The following GRIK2 variants were observed in gnomAD, a reference collection of about 807,000 sequenced individuals.
GRIK2 encodes glutamate receptor ionotropic, kainate 2.
In GRIK2, 32 loss-of-function variants were observed where a neutral mutation model predicts 100.3. The ratio of observed to expected loss-of-function variants is 0.32; its 90% confidence interval spans 0.24 to 0.43. The LOEUF is 0.43. Among genes scored for constraint, GRIK2 ranks in the 20% least tolerant of loss-of-function variants. The probability of loss-of-function intolerance (pLI) is 1.00; values close to 1 mark genes in which losing one functional copy is unlikely to be tolerated. For synonymous variants in GRIK2, 417 were observed against 389.4 expected, an observed-to-expected ratio of 1.07 and a Z score of -0.83; for missense variants, 843 against 1,114.9, an observed-to-expected ratio of 0.76 and a Z score of 3.47.
chr6:101,824,675 A>G (rs181459817), intron 10 of GRIK2, among the ~76,000 whole-genome samples: 5 of 152,306 alleles, frequency 3.3e-5, no homozygotes, highest in African/African-American at 1.2e-4. Flanking sequence ...TTTTCAGAAA[A>G]GCATTTATTG....
rs111770534 is a variant in GRIK2, at chr6:101,538,102, T to C, written c.116-83847T>C. Among the ~76,000 whole-genome samples the C allele has an allele frequency of 4.0e-3, 607 of 151,894 alleles. 3 individuals are homozygous for C. Among genetic ancestry groups the C allele is most frequent in the African/African-American group, 0.014 (585 of 41,504 alleles). On this transcript the variant is annotated intron_variant, in intron 2 of 16. Transcript: ENST00000369134. ...CATATCATAACCTAGAATCTTTTGCTTACAGTATGATTTTGGTTTGTGTTA... is the reference window on the plus strand; with the variant it reads ...CATATCATAACCTAGAATCTTTTGCCTACAGTATGATTTTGGTTTGTGTTA...
At chr6:101,394,411 C>A (rs899182214) in intron 1 of GRIK2, among the ~76,000 whole-genome samples, 1 of 152,138 alleles carries the variant, frequency 6.6e-6, no homozygotes, top group Non-Finnish European at 1.5e-5. Flanking sequence ...TTTAACGAAC[C>A]ACATCCTCTG....
At position 101,758,897 on chromosome 6, in the gene GRIK2, CTTTA is replaced by C. The variant is rs952778918; in HGVS notation, c.952-40747_952-40744del. 4.4e-4 allele frequency among the ~76,000 whole-genome samples: 67 copies of C among 152,148 alleles called. 1 individual carries two copies. The highest frequency in any genetic ancestry group is 6.8e-4 in the Non-Finnish European group (46 of 67,942). On this transcript the variant is annotated intron_variant, in intron 7 of 16. Transcript: ENST00000369134. The stretch of plus-strand genomic sequence containing the variant: ...GAAACTATTAAAAGCTTTTGTTTAA[CTTTA>C]TTTGTTTAATTTCAAAAGAGTAAAA...
chr6:102,025,099 T>C (rs1769624445), intron 14 of GRIK2, among the ~76,000 whole-genome samples: 1 of 151,298 alleles, frequency 6.6e-6, no homozygotes, highest in Admixed American at 6.6e-5. Flanking sequence ...CTACAGATCA[T>C]TTAGCTTTGT....
chr6:101,562,488 A>G (rs545654537), intron 2 of GRIK2, among the ~76,000 whole-genome samples: 1 of 151,450 alleles, frequency 6.6e-6, no homozygotes, highest in African/African-American at 2.4e-5. Context: ...ACAGGCATGC[A>G]CCACCAGGCC....
rs892406026 is a variant in GRIK2, at chr6:101,818,267, A to G, written c.1204-103A>G. ...TTACTTTAACGGCAGCAGACAATGC[A>G]GCAAAGGTGAATAATAAGTGTTAGC... On this transcript the variant is annotated intron_variant, in intron 9 of 16. Coordinates refer to ENST00000369134, the MANE Select transcript of GRIK2 (RefSeq NM_021956.5). 24 of 662,314 alleles carry G rather than the reference A, an allele frequency of 3.6e-5. No homozygotes were observed. The African/African-American group carries it at 4.2e-4, about 12-fold the overall frequency. The allele number at this position is 662,314 out of a possible 1,614,324, so 41.0% of individuals were successfully genotyped here. A position where few individuals can be genotyped will look rare whatever the true frequency, so the allele number is the denominator to read the frequency against.
In GRIK2 at chr6:101,441,977, G is replaced by T. The variant is rs1448481676; in HGVS notation, c.115+42585G>T. ...TTTGGGAGATACAAAAAAAAAAAAA[G>T]GGGTGAACAGGGCAGAATTTTTCCA... On this transcript the variant is annotated intron_variant, in intron 2 of 16. Transcript: ENST00000369134. Among the ~76,000 whole-genome samples the T allele has an allele frequency of 2.0e-5, 3 of 149,580 alleles. No homozygotes were observed. The East Asian group carries it at 5.9e-4, about 29-fold the overall frequency.
At chr6:101,475,745 A>C (rs1772194974) in intron 2 of GRIK2, among the ~76,000 whole-genome samples, 1 of 152,018 alleles carries the variant, frequency 6.6e-6, no homozygotes, top group Non-Finnish European at 1.5e-5. Flanking sequence ...TCTTAATGAC[A>C]TAAAGTTTAT....
At chr6:101,581,276 A>G (rs1778079367) in intron 2 of GRIK2, among the ~76,000 whole-genome samples, 1 of 145,366 alleles carries the variant, frequency 6.9e-6, no homozygotes, top group South Asian at 2.1e-4. Flanking sequence ...ACGTGTATAC[A>G]TGTATACACA....
At chr6:101,564,990 CA>C (rs953061780) in intron 2 of GRIK2, among the ~76,000 whole-genome samples, 72 of 151,924 alleles carry the variant, frequency 4.7e-4, no homozygotes, top group African/African-American at 1.4e-3. Context: ...CAAAATGTTA[CA>C]AAAAAATATG....
In GRIK2 at chr6:101,464,522, T is replaced by C. The variant is rs1252953096; in HGVS notation, c.115+65130T>C. ...CTTTTTTTTTTTTTTTTTTTTTTTT[T>C]TTTTTTTTTTTTTGAGACAGAGTCT... On this transcript the variant is annotated intron_variant, in intron 2 of 16. Transcript: ENST00000369134. Among the ~76,000 whole-genome samples the C allele has an allele frequency of 3.2e-3, 306 of 96,008 alleles. 7 individuals carry two copies. Among genetic ancestry groups the C allele is most frequent in the African/African-American group, 0.013 (288 of 22,894 alleles). The allele number at this position is 96,008 out of a possible 152,430, so 63.0% of individuals were successfully genotyped here.
chr6:102,055,107 T>C (rs1218871117), intron 15 of GRIK2, among the ~76,000 whole-genome samples: 2 of 152,196 alleles, frequency 1.3e-5, no homozygotes, highest in Non-Finnish European at 2.9e-5. Flanking sequence ...ATATTCTTTC[T>C]TAAAACAAAA....
At chr6:101,464,052 C>A (rs1269090213) in intron 2 of GRIK2, among the ~76,000 whole-genome samples, 2 of 152,134 alleles carry the variant, frequency 1.3e-5, no homozygotes, top group Admixed American at 6.5e-5. Context: ...AACCTTTCCT[C>A]GAATTACTTG....
At chr6:101,746,674 T>C (rs538558012) in intron 7 of GRIK2, among the ~76,000 whole-genome samples, 1 of 152,262 alleles carries the variant, frequency 6.6e-6, no homozygotes, top group South Asian at 2.1e-4. Context: ...TTGTTACCCA[T>C]TTTCTTCTTC....
intron 16 of GRIK2, among the ~76,000 whole-genome samples, chr6:102,056,142 G>A (rs1330438520): frequency 6.6e-6 from 1 of 151,626 alleles, no homozygotes; most frequent in Non-Finnish European, 1.5e-5. Flanking sequence ...GTTTCTTTTT[G>A]CCATTTAATA....
At chr6:101,503,718 G>A (rs1773884966) in intron 2 of GRIK2, among the ~76,000 whole-genome samples, 1 of 152,020 alleles carries the variant, frequency 6.6e-6, no homozygotes, top group Non-Finnish European at 1.5e-5. Context: ...CTCTTTCTAT[G>A]GCTTGAACAA....
chr6:101,840,455 G>T (rs1783420152), intron 10 of GRIK2, among the ~76,000 whole-genome samples: 1 of 152,070 alleles, frequency 6.6e-6, no homozygotes, highest in Non-Finnish European at 1.5e-5. Flanking sequence ...TACTCTTAAT[G>T]ACAGACTATA....
intron 7 of GRIK2, among the ~76,000 whole-genome samples, chr6:101,716,091 G>T (rs1774043839): frequency 6.6e-6 from 1 of 151,534 alleles, no homozygotes; most frequent in Middle Eastern, 3.4e-3. Flanking sequence ...TCCTATGTTA[G>T]CTCCTGAGCG....
chr6:101,615,488 T>C (rs749780744), intron 2 of GRIK2, among the ~76,000 whole-genome samples: 52 of 151,782 alleles, frequency 3.4e-4, no homozygotes, highest in Admixed American at 5.3e-4. Context: ...GAGCACAAAA[T>C]TATTGATTAC....
Sources: allele counts gnomAD v4.1 joint callset (sites outside exome capture counted in the v4.1 genomes callset), GRCh38; gene constraint gnomAD v4.1.1; transcripts MANE v1.5; gene names NCBI Gene and HGNC (gene_info 2026-07-23, HGNC 2026-07-21).